The following ZMYND8 variants were observed in gnomAD, a reference collection of about 807,000 sequenced individuals.
ZMYND8 encodes the protein zinc finger MYND-type containing 8, also known as MYND-type zinc finger-containing chromatin reader ZMYND8.
In ZMYND8, 37 loss-of-function variants were observed where a neutral mutation model predicts 140.8. That is an observed-to-expected ratio of 0.26 (90% CI 0.20 to 0.35). The LOEUF is 0.35. ZMYND8 is among the 10% of genes least tolerant of loss of function. ZMYND8 has a pLI of 1.00. For missense variants in ZMYND8, 1,068 were observed against 1,570.0 expected, an observed-to-expected ratio of 0.68 and a Z score of 5.40; for synonymous variants, 592 against 597.1, an observed-to-expected ratio of 0.99 and a Z score of 0.12.
intron 3 of ZMYND8, among the ~76,000 whole-genome samples, chr20:47,302,151 AAACT>A (rs1161966255): frequency 1.3e-5 from 2 of 152,196 alleles, no homozygotes; most frequent in Non-Finnish European, 2.9e-5. Context: ...GAGAACAAAC[AAACT>A]AATACAGTAT....
At chr20:47,344,689 G>A (rs2082192867) in intron 2 of ZMYND8, among the ~76,000 whole-genome samples, 1 of 152,220 alleles carries the variant, frequency 6.6e-6, no homozygotes, top group Admixed American at 6.5e-5. Flanking sequence ...CCACACTAGT[G>A]TATGATGTTA....
At position 47,296,662 on chromosome 20, in the gene ZMYND8, C is replaced by G. The variant is rs116807602; in HGVS notation, c.454-1883G>C. Among the ~76,000 whole-genome samples, 1,149 of 152,240 alleles carry G rather than the reference C, an allele frequency of 7.5e-3. 14 individuals are homozygous for G. Among genetic ancestry groups the G allele is most frequent in the African/African-American group, 0.026 (1,083 of 41,556 alleles). Reference sequence around the variant, plus strand: ...CAGGAACTAGTGCTTGCATTAACAACTATATTTTGTTGGCCGGGCACAGTG... The same window carrying G: ...CAGGAACTAGTGCTTGCATTAACAAGTATATTTTGTTGGCCGGGCACAGTG... On this transcript the variant is annotated intron_variant, in intron 4 of 22. Transcript: ENST00000471951.
intron 3 of ZMYND8, among the ~76,000 whole-genome samples, chr20:47,306,646 C>G (rs959832115): frequency 1.3e-5 from 2 of 150,648 alleles, no homozygotes; most frequent in East Asian, 2.0e-4. Flanking sequence ...TCTCAGCTCA[C>G]TGCAACCGCT....
intron 10 of ZMYND8, among the ~76,000 whole-genome samples, chr20:47,277,095 A>C (rs1334124574): frequency 1.3e-5 from 2 of 152,212 alleles, no homozygotes; most frequent in Non-Finnish European, 2.9e-5. Context: ...AGAGAAAAAT[A>C]AATCAGCCAC....
chr20:47,347,638 CT>C (rs1372255415), intron 2 of ZMYND8, among the ~76,000 whole-genome samples: 1 of 152,184 alleles, frequency 6.6e-6, no homozygotes, highest in Non-Finnish European at 1.5e-5. Flanking sequence ...GTAAAATTCA[CT>C]GTCAGGACCC....
intron 1 of ZMYND8, among the ~76,000 whole-genome samples, chr20:47,349,623 C>G (rs924472709): frequency 6.6e-6 from 1 of 152,148 alleles, no homozygotes; most frequent in African/African-American, 2.4e-5. Flanking sequence ...TAACAAAAAG[C>G]CCCATGCAGC....
intron 21 of ZMYND8, among the ~76,000 whole-genome samples, chr20:47,214,158 C>A (rs749298441): frequency 6.6e-6 from 1 of 152,134 alleles, no homozygotes; most frequent in East Asian, 1.9e-4. Flanking sequence ...ATGTCACGTG[C>A]GCTGTCACCA....
At chr20:47,211,082 A>AT (rs1199854648) in intron 22 of ZMYND8, among the ~76,000 whole-genome samples, 185 bp from the exon 23 acceptor site, 1 of 152,118 alleles carries the variant, frequency 6.6e-6, no homozygotes, top group Non-Finnish European at 1.5e-5. Context: ...AGAACAACTT[A>AT]TTTTTTAGGA....
At chr20:47,229,479 T>A (rs1401428401) in intron 17 of ZMYND8, among the ~76,000 whole-genome samples, 1 of 152,196 alleles carries the variant, frequency 6.6e-6, no homozygotes, top group Non-Finnish European at 1.5e-5. Context: ...GTAGGTTAAC[T>A]GAAGCTCTGA....
chr20:47,302,778 T>C (rs1316853503), intron 3 of ZMYND8, among the ~76,000 whole-genome samples: 6 of 152,090 alleles, frequency 3.9e-5, no homozygotes, highest in Non-Finnish European at 5.9e-5. Flanking sequence ...CAGAGAACAT[T>C]ATCTGCAATG....
chr20:47,248,277 A>C (rs189256761), intron 13 of ZMYND8, among the ~76,000 whole-genome samples: 1 of 152,364 alleles, frequency 6.6e-6, no homozygotes, highest in African/African-American at 2.4e-5. Context: ...AATTCTTATT[A>C]GCAATAAAAA....
intron 1 of ZMYND8, chr20:47,349,824 G>C: frequency 6.5e-7 from 1 of 1,532,270 alleles, no homozygotes; most frequent in East Asian, 2.4e-5. Context: ...AGTGGTGAGG[G>C]AAACAATTAT....
intron 1 of ZMYND8, 90 bp from the exon 2 acceptor site, chr20:47,348,016 C>G: frequency 1.6e-6 from 2 of 1,238,944 alleles, no homozygotes; most frequent in Non-Finnish European, 2.4e-6. Flanking sequence ...AACAAACACA[C>G]CTTAAAGACA....
At chr20:47,232,395 A>ATAAATAAG (rs1555888349) in intron 16 of ZMYND8, among the ~76,000 whole-genome samples, 4 of 151,864 alleles carry the variant, frequency 2.6e-5, no homozygotes, top group African/African-American at 4.8e-5. Context: ...AAATAAATAA[A>ATAAATAAG]TAAAGTTTTG....
At chr20:47,248,516 C>T (rs753941409) in intron 13 of ZMYND8, among the ~76,000 whole-genome samples, 1 of 152,216 alleles carries the variant, frequency 6.6e-6, no homozygotes, top group Non-Finnish European at 1.5e-5. Flanking sequence ...GCCCAGCCAT[C>T]CCCCACTTCT....
chr20:47,313,427 C>G (rs188359484), intron 2 of ZMYND8, among the ~76,000 whole-genome samples: 1 of 150,554 alleles, frequency 6.6e-6, no homozygotes, highest in Non-Finnish European at 1.5e-5. Context: ...TCGAGACCAT[C>G]CTGGCTAACA....
At position 47,224,511 on chromosome 20, in the gene ZMYND8, T is replaced by A; in HGVS notation, c.3062A>T (p.Asp1021Val). 1 of 1,614,084 alleles carries A rather than the reference T, an allele frequency of 6.2e-7. No individual in the cohort carries two copies. Among genetic ancestry groups the A allele is most frequent in the Non-Finnish European group, 8.5e-7 (1 of 1,180,036 alleles). Residue 1021 changes from aspartate (D) to valine (V), a missense_variant, in exon 19 of 23, where the codon GAC becomes GTC. Physicochemically the swap from Asp to Val is radical, Grantham distance 152 (BLOSUM62 -3). Around this residue, in one of 10 missense-constraint regions of ZMYND8, gnomAD observed 87 missense variants for 151.1 expected, o/e 0.58. Transcript: ENST00000471951. ...CTTCTTCACCTCGGCGATGAGCCGG[T>A]CCCGCTCCTGCTCCAGGCTCTGCCG... is the stretch of plus-strand genomic sequence containing the variant. The part of the protein sequence containing the change: ...EMRQSLEQER[D>V]RLIAEVKKQL...
intron 4 of ZMYND8, among the ~76,000 whole-genome samples, chr20:47,295,033 T>C (rs1250060007): frequency 6.6e-6 from 1 of 152,224 alleles, no homozygotes; most frequent in Non-Finnish European, 1.5e-5. Context: ...TGAGAAAAGA[T>C]GTGGCTAAAC....
At chr20:47,305,156 A>T (rs1168861160) in intron 3 of ZMYND8, among the ~76,000 whole-genome samples, 4 of 151,870 alleles carry the variant, frequency 2.6e-5, no homozygotes, top group Non-Finnish European at 5.9e-5. Flanking sequence ...AGGTGGGAGG[A>T]TCACTTGAGC....
Sources: allele counts gnomAD v4.1 joint callset (sites outside exome capture counted in the v4.1 genomes callset), GRCh38; gene constraint gnomAD v4.1.1; regional missense constraint gnomAD v4.1.1; transcripts MANE v1.5; gene names NCBI Gene and HGNC (gene_info 2026-07-23, HGNC 2026-07-21).